Variants in BCL11A observed in about 807,000 individuals in gnomAD.
The protein encoded by BCL11A is BCL11 transcription factor A.
In BCL11A, 2 loss-of-function variants were observed where a neutral mutation model predicts 55.9. That is an observed-to-expected ratio of 0.04 (90% CI 0.01 to 0.11). The LOEUF is 0.11. Ranked by LOEUF, BCL11A falls within the 10% of genes least tolerant of loss-of-function variation. The probability of loss-of-function intolerance (pLI) is 1.00; values close to 1 mark genes in which losing one functional copy is unlikely to be tolerated. For synonymous variants in BCL11A, 465 were observed against 473.4 expected (o/e 0.98, Z 0.23); for missense variants, 817 against 1,137.1 (o/e 0.72, Z 4.05).
intron 2 of BCL11A, among the ~76,000 whole-genome samples, chr2:60,531,368 G>A (rs1249361282): frequency 6.6e-6 from 1 of 152,178 alleles, no homozygotes; most frequent in African/African-American, 2.4e-5. Context: ...TATTTTAAGT[G>A]AGTTTTGTTT....
chr2:60,495,038 C>A (rs914029702), intron 2 of BCL11A, among the ~76,000 whole-genome samples: 2 of 152,158 alleles, frequency 1.3e-5, no homozygotes, highest in African/African-American at 4.8e-5. Flanking sequence ...GGGGAGAGTG[C>A]AGACAGGGGA....
intron 2 of BCL11A, among the ~76,000 whole-genome samples, chr2:60,473,756 G>C (rs1454235789): frequency 6.6e-6 from 1 of 152,158 alleles, no homozygotes; most frequent in African/African-American, 2.4e-5. Flanking sequence ...CCTGTGACTT[G>C]AGTTGTGTCA....
intron 2 of BCL11A, chr2:60,528,116 C>T (rs1463653203): frequency 6.5e-6 from 1 of 152,732 alleles, no homozygotes; most frequent in Non-Finnish European, 1.5e-5. Context: ...ATTATGACCC[C>T]CCAGAACCCA....
At position 60,457,212 on chromosome 2, in the gene BCL11A, A is replaced by AT; in HGVS notation, c.*3191dup. The AT allele has an allele frequency of 2.0e-6, 2 of 1,005,468 alleles. No individual in the cohort carries two copies. The highest frequency in any genetic ancestry group is 2.4e-6 in the Non-Finnish European group (2 of 840,406). The allele number at this position is 1,005,468 out of a possible 1,614,324, so 62.3% of individuals were successfully genotyped here. On this transcript the variant is annotated 3_prime_UTR_variant, in exon 4 of 4. Coordinates refer to ENST00000642384, the MANE Select transcript of BCL11A (RefSeq NM_022893.4). ...TACAATGTGTACTTTAATTTTTTTT[A>AT]TTTTTTCAATAAAGGGACAAAATGG...
At chr2:60,454,796 C>A (rs1403222585), downstream of BCL11A, among the ~76,000 whole-genome samples, 2 of 152,166 alleles carry the variant, frequency 1.3e-5, no homozygotes, top group African/African-American at 4.8e-5. Context: ...TGGAATTATA[C>A]CTAAGCCATC....
intron 2 of BCL11A, among the ~76,000 whole-genome samples, chr2:60,505,430 T>C (rs1490202613): frequency 6.6e-6 from 1 of 152,208 alleles, no homozygotes; most frequent in Non-Finnish European, 1.5e-5. Context: ...AAATCACTCA[T>C]CAGGTAGTCA....
At chr2:60,512,161 C>T (rs1484285670) in intron 2 of BCL11A, among the ~76,000 whole-genome samples, 1 of 152,162 alleles carries the variant, frequency 6.6e-6, no homozygotes, top group Non-Finnish European at 1.5e-5. Flanking sequence ...CCCCTGTGCT[C>T]ACCACCCCTG....
At chr2:60,543,598 G>C (rs2104731589) in intron 2 of BCL11A, 1 of 152,296 alleles carries the variant, frequency 6.6e-6, no homozygotes, top group East Asian at 1.9e-4. Context: ...TTCACCATAG[G>C]AAACTCTTAA....
At position 60,464,131 on chromosome 2, in the gene BCL11A, C is replaced by T. The variant is rs373483371; in HGVS notation, c.488-1707G>A. ...CCTGACCTTGTAATTTACTTTACAA[C>T]GCATTTATAATCCCACTCAATATAT... On this transcript the variant is annotated intron_variant, in intron 3 of 3. Transcript: ENST00000642384. 3.8e-4 allele frequency among the ~76,000 whole-genome samples: 58 copies of T among 152,238 alleles called. 1 individual carries two copies. The highest frequency in any genetic ancestry group is 6.2e-4 in the South Asian group (3 of 4,818).
chr2:60,495,960 G>GC (rs1678923054), intron 2 of BCL11A, among the ~76,000 whole-genome samples: 1 of 105,242 alleles, frequency 9.5e-6, no homozygotes, highest in South Asian at 4.6e-4. Context: ...ACTATTCTTA[G>GC]CTATTTTTTA....
At chr2:60,536,690 C>G (rs753594678) in intron 2 of BCL11A, 4 of 152,214 alleles carry the variant, frequency 2.6e-5, no homozygotes, top group Admixed American at 1.3e-4. Context: ...CTGCCACCCC[C>G]CTGCTGGCAA....
chr2:60,468,053 G>GTGA, intron 3 of BCL11A, among the ~76,000 whole-genome samples: 2 of 119,308 alleles, frequency 1.7e-5, no homozygotes, highest in Non-Finnish European at 1.8e-5. Context: ...GATGGTACTG[G>GTGA]TGGTGATGGT....
chr2:60,480,435 C>A (rs1195213697), intron 2 of BCL11A, among the ~76,000 whole-genome samples: 1 of 152,214 alleles, frequency 6.6e-6, no homozygotes, highest in Non-Finnish European at 1.5e-5. Flanking sequence ...GTGCAGTGAA[C>A]TTTTCTTCCT....
downstream of BCL11A, among the ~76,000 whole-genome samples, chr2:60,456,804 G>A (rs1449255549): frequency 1.3e-5 from 2 of 151,948 alleles, no homozygotes; most frequent in Non-Finnish European, 2.9e-5. Flanking sequence ...AGCAAGGATG[G>A]GAGAATAGAA....
At chr2:60,475,511 C>A (rs1307094168) in intron 2 of BCL11A, among the ~76,000 whole-genome samples, 8 of 152,224 alleles carry the variant, frequency 5.3e-5, no homozygotes, top group Admixed American at 5.2e-4. Flanking sequence ...TGTCTCATTG[C>A]CAGTTTAAGA....
At chr2:60,474,807 C>T (rs112961019) in intron 2 of BCL11A, among the ~76,000 whole-genome samples, 11 of 152,288 alleles carry the variant, frequency 7.2e-5, no homozygotes, top group African/African-American at 2.2e-4. Context: ...ATGGGCTAGC[C>T]GCTGTGGGCA....
At chr2:60,452,455 C>G (rs1353217503), downstream of BCL11A, 6 of 827,076 alleles carry the variant, frequency 7.3e-6, no homozygotes, top group Non-Finnish European at 1.2e-5. Flanking sequence ...ACTCTGTCTT[C>G]GCACAACGGC....
chr2:60,468,727 C>T lies in BCL11A; in HGVS notation c.487+5G>A, dbSNP rs1189037474. 1.9e-6 allele frequency: 3 copies of T among 1,604,850 alleles called. No individual in the cohort carries two copies. Among genetic ancestry groups the T allele is most frequent in the South Asian group, 1.1e-5 (1 of 90,816 alleles). ...CATTTGTAGAAGAAATAAGGCTCAACTTACAAATACCCTGCGGGGCATATT... is the reference window on the plus strand; with the variant it reads ...CATTTGTAGAAGAAATAAGGCTCAATTTACAAATACCCTGCGGGGCATATT... On this transcript the variant is annotated splice_donor_5th_base_variant and intron_variant, in intron 3 of 3. Coordinates refer to ENST00000642384, the MANE Select transcript of BCL11A (RefSeq NM_022893.4).
chr2:60,514,349 C>T (rs1475842222), intron 2 of BCL11A, among the ~76,000 whole-genome samples: 1 of 152,140 alleles, frequency 6.6e-6, no homozygotes, highest in Non-Finnish European at 1.5e-5. Context: ...ACTTGGAGAA[C>T]AAGCCATCTG....
Sources: allele counts gnomAD v4.1 joint callset (sites outside exome capture counted in the v4.1 genomes callset), GRCh38; gene constraint gnomAD v4.1.1; transcripts MANE v1.5; gene names NCBI Gene and HGNC (gene_info 2026-07-23, HGNC 2026-07-21).